The following CBR4 variants were observed in gnomAD, a reference collection of about 807,000 sequenced individuals.
CBR4 encodes carbonyl reductase 4, also known as 3-oxoacyl-[acyl-carrier-protein] reductase.
Under a neutral mutation model 21.0 loss-of-function variants are expected in CBR4, and 22 were observed. That is an observed-to-expected ratio of 1.05 (90% confidence interval 0.75 to 1.50). The LOEUF is 1.50. Among genes scored for constraint, CBR4 ranks in the 40% most tolerant of loss-of-function variants. The pLI is 0.00. For synonymous variants in CBR4, 100 were observed against 104.4 expected, an observed-to-expected ratio of 0.96 and a Z score of 0.26; for missense variants, 302 against 286.3, an observed-to-expected ratio of 1.05 and a Z score of -0.40.
chr4:168,955,910 G>C (rs1348743859), intron 2 of CBR4, among the ~76,000 whole-genome samples: 2 of 151,964 alleles, frequency 1.3e-5, no homozygotes, highest in African/African-American at 4.8e-5. Flanking sequence ...TAGTACCATG[G>C]GAAAATTTCA....
chr4:169,005,195 A>G (rs1373075264), intron 3 of CBR4: 3 of 152,216 alleles, frequency 2.0e-5, no homozygotes, highest in Admixed American at 6.5e-5. Context: ...CAGAAAGAAA[A>G]ATACAGAGAC....
At chr4:168,899,254 TGG>T (rs534095694) in intron 2 of CBR4, among the ~76,000 whole-genome samples, 69 of 152,338 alleles carry the variant, frequency 4.5e-4, no homozygotes, top group Admixed American at 7.8e-4. Context: ...ATGACCTGGA[TGG>T]GAGCTCTCTC....
At chr4:168,915,128 C>T (rs2151419658) in intron 2 of CBR4, among the ~76,000 whole-genome samples, 1 of 152,268 alleles carries the variant, frequency 6.6e-6, no homozygotes, top group Middle Eastern at 3.4e-3. Flanking sequence ...GAAGGGTAAA[C>T]TATATTAAAA....
At chr4:168,911,744 G>T (rs1295136840) in intron 2 of CBR4, among the ~76,000 whole-genome samples, 1 of 152,152 alleles carries the variant, frequency 6.6e-6, no homozygotes, top group East Asian at 1.9e-4. Flanking sequence ...CAAGTGGCCT[G>T]TGCTTCAGGT....
chr4:168,944,153 T>C (rs951531468), intron 2 of CBR4, among the ~76,000 whole-genome samples: 4 of 152,060 alleles, frequency 2.6e-5, no homozygotes, highest in African/African-American at 9.7e-5. Flanking sequence ...TCATAAAGTT[T>C]TGAGTTTTTA....
chr4:168,920,067 A>C lies in CBR4; in HGVS notation n.170-25302T>G, dbSNP rs1761126335. ...GGATCTAACCTGGTAAAGTAGGAAC[A>C]AGCAGTGCCGCTTTGTTTCTAGATG... On this transcript the variant is annotated intron_variant and non_coding_transcript_variant, in intron 2 of 3. Coordinates refer to the CBR4 transcript ENST00000509108. Among the ~76,000 whole-genome samples, 3 of 152,282 alleles carry C rather than the reference A, an allele frequency of 2.0e-5. No homozygotes were observed. The South Asian group carries it at 6.2e-4, about 32-fold the overall frequency.
At chr4:168,939,644 C>T (rs1360630007) in intron 2 of CBR4, among the ~76,000 whole-genome samples, 1 of 151,844 alleles carries the variant, frequency 6.6e-6, no homozygotes, top group Non-Finnish European at 1.5e-5. Context: ...CATTCCTATA[C>T]ACCAATAACA....
At chr4:168,986,873 T>TG (rs1293581687), downstream of CBR4, among the ~76,000 whole-genome samples, 2 of 152,084 alleles carry the variant, frequency 1.3e-5, no homozygotes, top group Non-Finnish European at 1.5e-5. Flanking sequence ...GCCCAGGAGT[T>TG]GGAGATGGCA....
Position 168,989,981 on chromosome 4 carries a change from T to C in CBR4, c.*169A>G. The C allele has an allele frequency of 8.1e-7, 1 of 1,232,630 alleles. No homozygotes were observed. The highest frequency in any genetic ancestry group is 2.1e-4 in the Middle Eastern group (1 of 4,658). 76.4% of individuals were successfully genotyped at this position (1,232,630 alleles called of 1,614,324 possible). A position where few individuals can be genotyped will look rare whatever the true frequency, so the allele number is the denominator to read the frequency against. On this transcript the variant is annotated 3_prime_UTR_variant, in exon 5 of 5. Coordinates refer to ENST00000306193, the MANE Select transcript of CBR4 (RefSeq NM_032783.5). ...TAGACCAAAAAAAAAAAAACCACAA[T>C]TTGTCACACATTGTTCTTTTGAGAC...
intron 1 of CBR4, among the ~76,000 whole-genome samples, chr4:169,008,462 GT>G (rs1378434459): frequency 4.6e-5 from 7 of 151,016 alleles, no homozygotes; most frequent in Non-Finnish European, 2.9e-5. Context: ...ATGTAGGATT[GT>G]TTTTAAAAGC....
At chr4:168,926,642 A>G (rs1339464645) in intron 2 of CBR4, 4 of 381,662 alleles carry the variant, frequency 1.0e-5, no homozygotes, top group Non-Finnish European at 1.9e-5. Flanking sequence ...GATTAAAGTG[A>G]TCAAAATGCC....
intron 2 of CBR4, among the ~76,000 whole-genome samples, chr4:168,963,569 CA>C (rs1370879304): frequency 4.6e-5 from 7 of 150,976 alleles, no homozygotes; most frequent in African/African-American, 1.7e-4. Context: ...CTACTGGGTT[CA>C]AGCAGTTCTC....
At chr4:168,897,703 C>T (rs943088496) in intron 2 of CBR4, among the ~76,000 whole-genome samples, 9 of 152,156 alleles carry the variant, frequency 5.9e-5, no homozygotes, top group African/African-American at 1.9e-4. Context: ...CCTCCCACCT[C>T]GGCCTTCCAA....
At chr4:168,954,768 G>A (rs1338297705) in intron 2 of CBR4, among the ~76,000 whole-genome samples, 4 of 152,120 alleles carry the variant, frequency 2.6e-5, no homozygotes, top group African/African-American at 9.7e-5. Context: ...AGGATCCAAC[G>A]TATTAGATAG....
At chr4:169,008,100 G>A (rs536497144) in intron 1 of CBR4, among the ~76,000 whole-genome samples, 1 of 152,254 alleles carries the variant, frequency 6.6e-6, no homozygotes, top group South Asian at 2.1e-4. Flanking sequence ...ACAGTCTTCT[G>A]GGTTTTATAT....
chr4:168,971,819 G>C (rs1049471971), intron 2 of CBR4, among the ~76,000 whole-genome samples: 1 of 152,034 alleles, frequency 6.6e-6, no homozygotes, highest in African/African-American at 2.4e-5. Flanking sequence ...ATTTATCTTT[G>C]TTTTTGTTGC....
intron 4 of CBR4, among the ~76,000 whole-genome samples, chr4:168,991,955 C>A (rs548701912): frequency 6.6e-6 from 1 of 152,132 alleles, no homozygotes; most frequent in African/African-American, 2.4e-5. Flanking sequence ...ATAGATAAAC[C>A]TAAATATATT....
At chr4:168,999,864 CAT>C (rs1417069301) in intron 4 of CBR4, among the ~76,000 whole-genome samples, 5 of 152,154 alleles carry the variant, frequency 3.3e-5, no homozygotes, top group African/African-American at 9.7e-5. Context: ...TTATATTCGT[CAT>C]ATGACACTGC....
chr4:168,949,180 G>A (rs1026470419), intron 2 of CBR4, among the ~76,000 whole-genome samples: 1 of 152,130 alleles, frequency 6.6e-6, no homozygotes, highest in African/African-American at 2.4e-5. Flanking sequence ...TGTTTTTGGT[G>A]TGTAGAAGAG....
Sources: allele counts gnomAD v4.1 joint callset (sites outside exome capture counted in the v4.1 genomes callset), GRCh38; gene constraint gnomAD v4.1.1; transcripts MANE v1.5; gene names NCBI Gene and HGNC (gene_info 2026-07-23, HGNC 2026-07-21).